Variants in PCDHGA5 observed in about 807,000 individuals in gnomAD.
The protein encoded by PCDHGA5 is protocadherin gamma-A5.
PCDHGA5 carries 36 observed loss-of-function variants against 56.7 expected under a neutral mutation model. The ratio of observed to expected loss-of-function variants is 0.64; its 90% confidence interval spans 0.49 to 0.84. The LOEUF (loss-of-function observed/expected upper bound fraction) is 0.84. Ranked by LOEUF, PCDHGA5 falls within the 40% of genes least tolerant of loss-of-function variation. The pLI, the probability that PCDHGA5 is intolerant of heterozygous loss-of-function variation, is 0.00. For missense variants in PCDHGA5, 1,305 were observed against 1,201.5 expected, an observed-to-expected ratio of 1.09 and a Z score of -1.27; for synonymous variants, 563 against 520.2, an observed-to-expected ratio of 1.08 and a Z score of -1.12.
chr5:141,378,022 A>G (rs1411303620), intron 1 of PCDHGA5: 2 of 152,188 alleles, frequency 1.3e-5, no homozygotes, highest in Non-Finnish European at 2.9e-5. Flanking sequence ...TACTTATATT[A>G]TTTTTTAAAA....
intron 1 of PCDHGA5, among the ~76,000 whole-genome samples, chr5:141,483,373 G>A (rs1410856257): frequency 6.6e-6 from 1 of 152,166 alleles, no homozygotes; most frequent in Admixed American, 6.5e-5. Flanking sequence ...TGCAATATTT[G>A]AAGAGAAGAT....
At chr5:141,423,424 T>C in intron 1 of PCDHGA5, 1 of 1,614,004 alleles carries the variant, frequency 6.2e-7, no homozygotes, top group Non-Finnish European at 8.5e-7. Flanking sequence ...TGAAGGCGGG[T>C]TGGCAGGTAT....
chr5:141,401,537 A>G (rs188857820), intron 1 of PCDHGA5, among the ~76,000 whole-genome samples: 56 of 152,362 alleles, frequency 3.7e-4, no homozygotes, highest in Non-Finnish European at 7.5e-4. Context: ...AACTTACAAA[A>G]AAAAGGAAAT....
chr5:141,429,760 C>T (rs1036499079), intron 1 of PCDHGA5, among the ~76,000 whole-genome samples: 2 of 152,020 alleles, frequency 1.3e-5, no homozygotes, highest in Non-Finnish European at 2.9e-5. Context: ...AATTTTTTCC[C>T]TATATTTTGA....
At chr5:141,407,535 T>C (rs1471174995) in intron 1 of PCDHGA5, among the ~76,000 whole-genome samples, 1 of 151,840 alleles carries the variant, frequency 6.6e-6, no homozygotes, top group Non-Finnish European at 1.5e-5. Context: ...TTATTGTGCA[T>C]TGGTAACAGA....
rs2095330785 is a variant in PCDHGA5 at position 141,409,884 on chromosome 5, G to C, written c.2421+43133G>C. The C allele has an allele frequency of 1.9e-6, 3 of 1,612,952 alleles. No individual in the cohort carries two copies. In the South Asian group the frequency reaches 3.3e-5, roughly 18 times the overall value. On this transcript the variant is annotated intron_variant, in intron 1 of 3. Transcript: ENST00000518069. ...GGAGACCGCAATGACAACGCACCGC[G>C]GGTGCTGTACCCAGCTCTGGGTCCT...
At chr5:141,394,108 T>C in intron 1 of PCDHGA5, 1 of 1,613,972 alleles carries the variant, frequency 6.2e-7, no homozygotes, top group Non-Finnish European at 8.5e-7. Context: ...ACACCACCTC[T>C]GTCCACTGAA....
Position 141,447,434 on chromosome 5 carries a change from G to A in PCDHGA5, c.2422-47373G>A, listed in dbSNP as rs114249648. ...ATTACAGGCGTGAGCCACCGCACCC[G>A]GAGGAAATTTTTAACCTCAGTTTTT... On this transcript the variant is annotated intron_variant, in intron 1 of 3. Transcript: ENST00000518069. 2.8e-3 allele frequency among the ~76,000 whole-genome samples: 425 copies of A among 152,164 alleles called. 1 individual carries two copies. The highest frequency in any genetic ancestry group is 9.5e-3 in the African/African-American group (394 of 41,546).
rs755321974 is a variant in PCDHGA5 at position 141,365,861 on chromosome 5, A to T, written c.1531A>T (p.Thr511Ser). 5 of 1,613,912 alleles carry T rather than the reference A, an allele frequency of 3.1e-6. No homozygotes were observed. The highest frequency in any genetic ancestry group is 4.2e-6 in the Non-Finnish European group (5 of 1,179,918). Residue 511 changes from threonine (T) to serine (S), a missense_variant, in exon 1 of 4, where the codon ACC (threonine) becomes TCC (serine). Transcript: ENST00000518069. Reference protein sequence around the residue: ...LSSYVSINSDTGVLYALRSFD... With the variant: ...LSSYVSINSDSGVLYALRSFD... The stretch of plus-strand genomic sequence containing the variant: ...CTCCTATGTATCCATTAACTCTGAC[A>T]CCGGTGTCCTGTATGCTCTGAGATC...
chr5:141,420,519 A>G (rs1056198647), intron 1 of PCDHGA5: 1 of 387,066 alleles, frequency 2.6e-6, no homozygotes, highest in African/African-American at 2.1e-5. Flanking sequence ...GAAGTAAAAT[A>G]CCTTTCGGTT....
intron 1 of PCDHGA5, among the ~76,000 whole-genome samples, chr5:141,480,386 A>G (rs966068994): frequency 6.6e-6 from 1 of 151,826 alleles, no homozygotes; most frequent in Non-Finnish European, 1.5e-5. Context: ...CTACACTTCA[A>G]CCATGGCAAT....
Position 141,486,219 on chromosome 5 carries a change from A to G in PCDHGA5, c.2422-8588A>G. 1 of 1,614,134 alleles carries G rather than the reference A, an allele frequency of 6.2e-7. No individual in the cohort carries two copies. Among genetic ancestry groups the G allele is most frequent in the African/African-American group, 1.3e-5 (1 of 75,042 alleles). ...CTGGACGTAAATGACAATGCCCCTT[A>G]CATCACAGTGACCTCAGAGCTTGGA... On this transcript the variant is annotated intron_variant, in intron 1 of 3. Transcript: ENST00000518069. This position sits in a 1 kb window ranked among gnomAD's most constrained non-coding sequence, Gnocchi z 5.0.
intron 1 of PCDHGA5, among the ~76,000 whole-genome samples, chr5:141,436,720 A>G (rs1337926057): frequency 1.5e-4 from 23 of 152,216 alleles, no homozygotes; most frequent in Non-Finnish European, 3.4e-4. Context: ...TCTGTTGGGA[A>G]AAATAATAAT....
chr5:141,379,173 A>G (rs556120661), intron 1 of PCDHGA5: 5 of 152,374 alleles, frequency 3.3e-5, no homozygotes, highest in Non-Finnish European at 1.5e-5. Context: ...CTTCTTAAAG[A>G]TAACATTGAG....
Position 141,365,761 on chromosome 5 carries a change from TGACCCC to T in PCDHGA5, c.1435_1440del (p.Pro479_Asp480del). 1 of 1,613,834 alleles carries T rather than the reference TGACCCC, an allele frequency of 6.2e-7. No individual in the cohort carries two copies. Among genetic ancestry groups the T allele is most frequent in the Non-Finnish European group, 8.5e-7 (1 of 1,179,878 alleles). ...TCTCTATCTTCTCTGTGACAGCCCA[TGACCCC>T]GACAGCGGCGACAACGCTCGAGTCA... On this transcript the variant is annotated inframe_deletion, in exon 1 of 4. Transcript: ENST00000518069.
intron 1 of PCDHGA5, chr5:141,423,675 T>C: frequency 1.3e-6 from 2 of 1,540,488 alleles, no homozygotes; most frequent in Non-Finnish European, 1.7e-6. Flanking sequence ...GATTTATTTC[T>C]CTGCCTCCTA....
At chr5:141,412,441 G>A (rs1334085357) in intron 1 of PCDHGA5, 2 of 152,124 alleles carry the variant, frequency 1.3e-5, no homozygotes, top group Non-Finnish European at 2.9e-5. Context: ...GTTAATTAAG[G>A]CTCAGTAAAA....
At chr5:141,495,652 T>C (rs1403816239) in intron 2 of PCDHGA5, among the ~76,000 whole-genome samples, 2 of 152,336 alleles carry the variant, frequency 1.3e-5, no homozygotes, top group Admixed American at 6.5e-5. Context: ...CTACTTGCAT[T>C]GATCTGTGCC....
intron 1 of PCDHGA5, among the ~76,000 whole-genome samples, chr5:141,465,091 G>A (rs1689517062): frequency 6.7e-6 from 1 of 149,016 alleles, no homozygotes; most frequent in Non-Finnish European, 1.5e-5. Context: ...CATTTTTCTA[G>A]TAGTTTTTTT....
Sources: gnomAD v4.1 joint callset for allele counts (sites outside exome capture counted in the v4.1 genomes callset) on GRCh38, gnomAD v4.1.1 for gene constraint, Gnocchi (gnomAD v3.1) non-coding constraint, MANE v1.5 for transcripts, NCBI Gene and HGNC (gene_info 2026-07-23, HGNC 2026-07-21) for gene names.